Variants in ADAMTS18 observed in about 807,000 individuals in gnomAD.
ADAMTS18 encodes ADAM metallopeptidase with thrombospondin type 1 motif 18, also known as A disintegrin and metalloproteinase with thrombospondin motifs 18.
ADAMTS18 carries 157 observed loss-of-function variants against 165.9 expected under a neutral mutation model. The ratio of observed to expected loss-of-function variants is 0.95; its 90% confidence interval spans 0.83 to 1.08. The LOEUF is 1.08. Ranked by LOEUF, ADAMTS18 falls within the 50% of genes least tolerant of loss-of-function variation. The pLI is 0.00. For missense variants in ADAMTS18, 2,040 were observed against 1,534.0 expected, an observed-to-expected ratio of 1.33 and a Z score of -5.51; for synonymous variants, 782 against 578.2, an observed-to-expected ratio of 1.35 and a Z score of -5.06.
At chr16:77,385,687 G>C (rs143957529) in intron 3 of ADAMTS18, among the ~76,000 whole-genome samples, 1 of 152,166 alleles carries the variant, frequency 6.6e-6, no homozygotes, top group Admixed American at 6.6e-5. Context: ...AGTACGCTAC[G>C]TGGCATCAAC....
chr16:77,345,471 T>C (rs1475380263), intron 10 of ADAMTS18, among the ~76,000 whole-genome samples: 1 of 152,138 alleles, frequency 6.6e-6, no homozygotes, highest in African/African-American at 2.4e-5. Flanking sequence ...ATCTGAACAA[T>C]TATGGCCACC....
At chr16:77,422,347 G>A (rs12599182) in intron 3 of ADAMTS18, among the ~76,000 whole-genome samples, 10,749 of 151,782 alleles carry the variant, frequency 0.071, 477 homozygotes, top group East Asian at 0.11. Context: ...CCAAGGAAGT[G>A]TTGAAATCTT....
In ADAMTS18 at chr16:77,325,927, T is replaced by A; in HGVS notation, c.1971A>T (p.Glu657Asp). The change falls in exon 13 of 23, where the codon GAA (glutamate) becomes GAT (aspartate). Residue 657 changes from glutamate to aspartate, a missense_variant. Transcript: ENST00000282849. ...SLDFRAQQCAEYNSKPFRGWF... is the reference protein window; with the variant it reads ...SLDFRAQQCADYNSKPFRGWF... ...ATCCACGGAAAGGTTTGCTGTTATA[T>A]TCTGCACACTGTTGAGCCCGAAAAT... 6.2e-7 allele frequency: 1 copy of A among 1,614,150 alleles called. No homozygotes were observed. Among genetic ancestry groups the A allele is most frequent in the Non-Finnish European group, 8.5e-7 (1 of 1,180,004 alleles).
chr16:77,358,725 C>T (rs2056668227), intron 8 of ADAMTS18, among the ~76,000 whole-genome samples: 1 of 152,122 alleles, frequency 6.6e-6, no homozygotes, highest in Admixed American at 6.6e-5. Context: ...ACACAAACAT[C>T]CTAAACTGGT....
rs183562226 is a variant in ADAMTS18 at position 77,321,035 on chromosome 16, A to G, written c.2287+44T>C. Reference sequence around the variant, plus strand: ...CGTGACTCAAACTTGTTTGGTAGCAAAAGTTGTATCTCATTAACAATAACA... The same window carrying G: ...CGTGACTCAAACTTGTTTGGTAGCAGAAGTTGTATCTCATTAACAATAACA... On this transcript the variant is annotated intron_variant, in intron 15 of 22. Coordinates refer to ENST00000282849, the MANE Select transcript of ADAMTS18 (RefSeq NM_199355.4). 2.2e-5 allele frequency: 36 copies of G among 1,613,742 alleles called. No individual in the cohort carries two copies. In the South Asian group the frequency reaches 3.8e-4, roughly 17 times the overall value.
At chr16:77,359,889 G>C (rs2056687296) in intron 7 of ADAMTS18, among the ~76,000 whole-genome samples, 5 of 152,260 alleles carry the variant, frequency 3.3e-5, no homozygotes, top group African/African-American at 1.2e-4. Context: ...TACTAGAGCA[G>C]AAAACATGAA....
chr16:77,332,861 T>C (rs761688600), intron 12 of ADAMTS18, among the ~76,000 whole-genome samples: 31 of 152,182 alleles, frequency 2.0e-4, no homozygotes, highest in Non-Finnish European at 4.4e-4. Flanking sequence ...AAATTGAATT[T>C]GCTGTCAATA....
chr16:77,323,268 T>A (rs1357150873), intron 13 of ADAMTS18, among the ~76,000 whole-genome samples: 3 of 152,256 alleles, frequency 2.0e-5, no homozygotes, highest in East Asian at 3.9e-4. Context: ...TTGAGCGATA[T>A]CCCTAACAAC....
At chr16:77,386,291 C>G (rs1353373523) in intron 3 of ADAMTS18, among the ~76,000 whole-genome samples, 1 of 152,138 alleles carries the variant, frequency 6.6e-6, no homozygotes, top group Non-Finnish European at 1.5e-5. Flanking sequence ...ATGCAAATAC[C>G]TATACCCAAC....
chr16:77,383,620 T>C (rs2057064371), intron 3 of ADAMTS18, among the ~76,000 whole-genome samples: 1 of 152,096 alleles, frequency 6.6e-6, no homozygotes, highest in Non-Finnish European at 1.5e-5. Context: ...CTCAGCTCAC[T>C]GCAACCTCCA....
chr16:77,311,293 T>A (rs2055775334), intron 16 of ADAMTS18, among the ~76,000 whole-genome samples: 1 of 152,214 alleles, frequency 6.6e-6, no homozygotes, highest in Non-Finnish European at 1.5e-5. Context: ...TTTTAGTAGG[T>A]TCCCACAGTG....
At chr16:77,387,015 A>T (rs752455910) in intron 3 of ADAMTS18, among the ~76,000 whole-genome samples, 1 of 152,208 alleles carries the variant, frequency 6.6e-6, no homozygotes, top group Non-Finnish European at 1.5e-5. Context: ...CTCCAAACAG[A>T]TGCTGGGGAT....
At chr16:77,429,704 C>A (rs2057715729) in intron 3 of ADAMTS18, among the ~76,000 whole-genome samples, 1 of 152,042 alleles carries the variant, frequency 6.6e-6, no homozygotes, top group African/African-American at 2.4e-5. Context: ...TAATTTGAGA[C>A]AATTGATAAG....
At chr16:77,360,981 G>A (rs1409374103) in intron 7 of ADAMTS18, among the ~76,000 whole-genome samples, 1 of 152,094 alleles carries the variant, frequency 6.6e-6, no homozygotes, top group East Asian at 1.9e-4. Flanking sequence ...AGCTACTCTG[G>A]AGGCTGAGGC....
intron 3 of ADAMTS18, among the ~76,000 whole-genome samples, chr16:77,369,955 A>G (rs2056853058): frequency 6.6e-6 from 1 of 152,220 alleles, no homozygotes; most frequent in African/African-American, 2.4e-5. Context: ...AACATGATAT[A>G]TCACATTAAC....
At chr16:77,431,716 G>GAGC in intron 2 of ADAMTS18, 105 bp from the exon 3 acceptor site, 3 of 1,197,020 alleles carry the variant, frequency 2.5e-6, no homozygotes, top group African/African-American at 1.5e-5. Context: ...AGATATCTTT[G>GAGC]TTCCTATTGC....
At chr16:77,308,629 T>C (rs575084526) in intron 16 of ADAMTS18, among the ~76,000 whole-genome samples, 46 of 151,282 alleles carry the variant, frequency 3.0e-4, no homozygotes, top group Non-Finnish European at 5.6e-4. Flanking sequence ...TGCCAAGGTC[T>C]CCTAAAACTG....
intron 3 of ADAMTS18, among the ~76,000 whole-genome samples, chr16:77,416,741 G>C (rs1435306580): frequency 6.6e-6 from 1 of 152,144 alleles, no homozygotes; most frequent in Admixed American, 6.5e-5. Context: ...GTAAAGCCAT[G>C]AGCTGGTAGA....
intron 22 of ADAMTS18, among the ~76,000 whole-genome samples, chr16:77,288,174 G>C (rs1017685431): frequency 4.6e-5 from 7 of 152,116 alleles, no homozygotes; most frequent in Admixed American, 2.0e-4. Flanking sequence ...CGTGCATGTT[G>C]ACTTTCCCCA....
Sources: allele counts gnomAD v4.1 joint callset (sites outside exome capture counted in the v4.1 genomes callset), GRCh38; gene constraint gnomAD v4.1.1; transcripts MANE v1.5; gene names NCBI Gene and HGNC (gene_info 2026-07-23, HGNC 2026-07-21).